STAMBPL1: variants seen among roughly 807,000 people sequenced by gnomAD.
STAMBPL1 encodes the protein STAM binding protein like 1, also known as AMSH-like protease.
In STAMBPL1, 44 loss-of-function variants were observed where a neutral mutation model predicts 52.9. The observed-to-expected ratio is 0.83, with a 90% confidence interval of 0.65 to 1.07. The LOEUF is 1.07. Among genes scored for constraint, STAMBPL1 ranks in the 50% least tolerant of loss-of-function variants. STAMBPL1 has a pLI of 0.00. For missense variants in STAMBPL1, 511 were observed against 520.8 expected (o/e 0.98, Z 0.18); for synonymous variants, 164 against 177.3 (o/e 0.92, Z 0.60).
intron 1 of STAMBPL1, among the ~76,000 whole-genome samples, chr10:88,889,418 A>G (rs1404995025): frequency 2.0e-5 from 3 of 152,142 alleles, no homozygotes; most frequent in Non-Finnish European, 4.4e-5. Context: ...GTGAATTTAG[A>G]TGTTTATTTC....
At chr10:88,897,442 G>A (rs1844839700) in intron 1 of STAMBPL1, among the ~76,000 whole-genome samples, 1 of 152,062 alleles carries the variant, frequency 6.6e-6, no homozygotes. Flanking sequence ...CAGGAAAAGG[G>A]GCTAGCAATA....
At chr10:88,904,552 T>C (rs73364851) in intron 2 of STAMBPL1, among the ~76,000 whole-genome samples, 77 of 152,286 alleles carry the variant, frequency 5.1e-4, no homozygotes, top group Admixed American at 1.8e-3. Flanking sequence ...GTGACTTTCA[T>C]GCTGAGAGCT....
chr10:88,920,363 T>C (rs924501069), intron 8 of STAMBPL1, among the ~76,000 whole-genome samples: 1 of 152,276 alleles, frequency 6.6e-6, no homozygotes, highest in Admixed American at 6.5e-5. Context: ...AACAATCCCA[T>C]GCAGAAAATA....
At chr10:88,911,883 G>A (rs1845234200) in intron 5 of STAMBPL1, among the ~76,000 whole-genome samples, 1 of 152,086 alleles carries the variant, frequency 6.6e-6, no homozygotes, top group South Asian at 2.1e-4. Flanking sequence ...TTTCTTGGAG[G>A]GTAAGACAAA....
rs141467030 is a variant in STAMBPL1 at position 88,894,451 on chromosome 10, G to A, written c.-53-7205G>A. Among the ~76,000 whole-genome samples, 9 of 152,158 alleles carry A rather than the reference G, an allele frequency of 5.9e-5. No individual in the cohort carries two copies. The East Asian group carries it at 1.7e-3, about 29-fold the overall frequency. On this transcript the variant is annotated intron_variant, in intron 1 of 10. Transcript: ENST00000371926. ...AATTCAGCTCACTCTTACCTAGAAGGCAGTCTAGAAAAAACAAGATAAAAG... is the reference window on the plus strand; with the variant it reads ...AATTCAGCTCACTCTTACCTAGAAGACAGTCTAGAAAAAACAAGATAAAAG...
intron 1 of STAMBPL1, among the ~76,000 whole-genome samples, chr10:88,898,814 G>T (rs1264337777): frequency 6.6e-6 from 1 of 152,180 alleles, no homozygotes; most frequent in African/African-American, 2.4e-5. Context: ...ATATCCCACT[G>T]CCTCCTACAG....
At chr10:88,911,993 G>T (rs10887866) in intron 5 of STAMBPL1, among the ~76,000 whole-genome samples, 15,466 of 152,198 alleles carry the variant, frequency 0.1, 1,029 homozygotes, top group South Asian at 0.36. Context: ...GGAGGAACAG[G>T]CTCTGCAGCT....
intron 1 of STAMBPL1, among the ~76,000 whole-genome samples, chr10:88,898,902 G>T (rs1316562635): frequency 6.6e-6 from 1 of 152,200 alleles, no homozygotes; most frequent in Non-Finnish European, 1.5e-5. Flanking sequence ...GACTTTGCCA[G>T]TCAGACATCT....
At chr10:88,920,156 A>G (rs1270109507) in intron 8 of STAMBPL1, among the ~76,000 whole-genome samples, 1 of 152,204 alleles carries the variant, frequency 6.6e-6, no homozygotes, top group Non-Finnish European at 1.5e-5. Context: ...TGGCCTAAAA[A>G]TAGTTTTAAA....
chr10:88,911,292 C>T (rs1036665719), intron 5 of STAMBPL1, among the ~76,000 whole-genome samples: 1 of 152,194 alleles, frequency 6.6e-6, no homozygotes, highest in East Asian at 1.9e-4. Flanking sequence ...AACTCTTGAG[C>T]CAGATAACCT....
chr10:88,919,821 G>A (rs1041496944), intron 8 of STAMBPL1, among the ~76,000 whole-genome samples: 1 of 147,058 alleles, frequency 6.8e-6, no homozygotes. Flanking sequence ...TATTAAAGCC[G>A]AAAAAAAACG....
intron 9 of STAMBPL1, 45 bp downstream of exon 9, chr10:88,921,440 G>T: frequency 6.6e-7 from 1 of 1,505,680 alleles, no homozygotes. Flanking sequence ...CTTTGTCCAG[G>T]GCTGCTGGGT....
chr10:88,897,667 A>G (rs547194350), intron 1 of STAMBPL1, among the ~76,000 whole-genome samples: 59 of 152,288 alleles, frequency 3.9e-4, no homozygotes, highest in Non-Finnish European at 7.6e-4. Flanking sequence ...TGTGGCTGTG[A>G]CAAGCGCCCT....
chr10:88,902,864 C>T (rs532964766), intron 2 of STAMBPL1, among the ~76,000 whole-genome samples: 40 of 152,290 alleles, frequency 2.6e-4, no homozygotes, highest in African/African-American at 4.8e-4. Context: ...CCACCGCACC[C>T]GGCCCCTAAT....
At chr10:88,921,495 C>A in intron 9 of STAMBPL1, 100 bp downstream of exon 9, 2 of 880,544 alleles carry the variant, frequency 2.3e-6, no homozygotes, top group South Asian at 1.5e-5. Flanking sequence ...GATTGGCAAG[C>A]ACACAACGCC....
At chr10:88,880,812 C>T (rs1437549949) in intron 1 of STAMBPL1, among the ~76,000 whole-genome samples, 174 bp downstream of exon 1, 1 of 152,222 alleles carries the variant, frequency 6.6e-6, no homozygotes, top group Non-Finnish European at 1.5e-5. Flanking sequence ...CGCTTCCTTC[C>T]TGCCAGTCAT....
chr10:88,915,952 T>C lies in STAMBPL1; in HGVS notation c.904-728T>C, dbSNP rs529939993. On this transcript the variant is annotated intron_variant, in intron 7 of 10. Coordinates refer to ENST00000371926, the MANE Select transcript of STAMBPL1 (RefSeq NM_020799.4). ...TAAGGCTAGAGAGAGGATGGTCCTCTGGATGGGAGAAAGGCCAGCCTGCCT... is the reference window on the plus strand; with the variant it reads ...TAAGGCTAGAGAGAGGATGGTCCTCCGGATGGGAGAAAGGCCAGCCTGCCT... Among the ~76,000 whole-genome samples, 482 of 152,272 alleles carry C rather than the reference T, an allele frequency of 3.2e-3. 3 individuals carry two copies. Among genetic ancestry groups the C allele is most frequent in the Middle Eastern group, 6.8e-3 (2 of 294 alleles).
chr10:88,923,471 A>G lies in STAMBPL1; in HGVS notation c.*247A>G. 8.3e-7 allele frequency: 1 copy of G among 1,210,022 alleles called. No individual in the cohort carries two copies. The highest frequency in any genetic ancestry group is 3.7e-5 in the East Asian group (1 of 27,246). The allele number at this position is 1,210,022 out of a possible 1,614,324, so 75.0% of individuals were successfully genotyped here. ...ACCCAAATACTATGGCCAGATAATAAATTGTGCTGCAAACAACATGTCTTG... is the reference window on the plus strand; with the variant it reads ...ACCCAAATACTATGGCCAGATAATAGATTGTGCTGCAAACAACATGTCTTG... On this transcript the variant is annotated 3_prime_UTR_variant, in exon 11 of 11. Transcript: ENST00000371926.
intron 2 of STAMBPL1, among the ~76,000 whole-genome samples, chr10:88,902,427 C>T (rs1844965892): frequency 1.3e-5 from 2 of 152,140 alleles, no homozygotes; most frequent in East Asian, 1.9e-4. Context: ...CTTGATGACC[C>T]TCCCCAGCCA....
Sources: gnomAD v4.1 joint callset for allele counts (sites outside exome capture counted in the v4.1 genomes callset) on GRCh38, gnomAD v4.1.1 for gene constraint, MANE v1.5 for transcripts, NCBI Gene and HGNC (gene_info 2026-07-23, HGNC 2026-07-21) for gene names.